Variants in DIRAS3 observed in about 807,000 individuals in gnomAD.
The protein encoded by DIRAS3 is GTP-binding protein Di-Ras3.
For missense variants in DIRAS3, 248 were observed against 300.6 expected, an observed-to-expected ratio of 0.83 and a Z score of 1.29; for synonymous variants, 133 against 131.4, an observed-to-expected ratio of 1.01 and a Z score of -0.08.
rs35600387 is a variant in DIRAS3 at position 68,047,216 on chromosome 1, C to T, written c.82G>A (p.Ala28Thr). ...RLLPALLILR[A>T]FKPHRKIRDY... ...CTGATCTTCCTGTGGGGCTTGAAGG[C>T]GCGGAGGATAAGCAGGGCGGGCAGA... Residue 28 changes from alanine (A) to threonine (T), a missense_variant, in exon 2 of 2, where the codon GCC becomes ACC. Coordinates refer to ENST00000646789, the MANE Select transcript of DIRAS3 (RefSeq NM_004675.5). The T allele has an allele frequency of 1.9e-6, 3 of 1,613,922 alleles. No homozygotes were observed. Among genetic ancestry groups the T allele is most frequent in the Non-Finnish European group, 8.5e-7 (1 of 1,180,046 alleles).
In DIRAS3 at chr1:68,047,369, A is replaced by G. The variant is rs984814623; in HGVS notation, c.-65-7T>C. ...AGCTGGCAGCAGGAGACCCCTAGGAAGAAAGTGAGACGGTGAGAGATGGTA... is the reference window on the plus strand; with the variant it reads ...AGCTGGCAGCAGGAGACCCCTAGGAGGAAAGTGAGACGGTGAGAGATGGTA... On this transcript the variant is annotated splice_polypyrimidine_tract_variant and splice_region_variant and intron_variant, in intron 1 of 1. Coordinates refer to ENST00000646789, the MANE Select transcript of DIRAS3 (RefSeq NM_004675.5). 4 of 1,383,430 alleles carry G rather than the reference A, an allele frequency of 2.9e-6. No individual in the cohort carries two copies. In the South Asian group the frequency reaches 5.3e-5, roughly 18 times the overall value. 85.7% of individuals were successfully genotyped at this position (1,383,430 alleles called of 1,614,324 possible).
intron 1 of DIRAS3, 125 bp from the exon 2 acceptor site, chr1:68,047,487 C>A (rs1446092450): frequency 3.3e-6 from 2 of 602,310 alleles, no homozygotes; most frequent in Non-Finnish European, 5.8e-6. Flanking sequence ...TAAAGGGGTG[C>A]ACACAGCGAG....
intron 1 of DIRAS3, among the ~76,000 whole-genome samples, chr1:68,048,020 A>T (rs1212622033): frequency 3.2e-4 from 4 of 12,582 alleles, no homozygotes; most frequent in Non-Finnish European, 4.2e-4. Context: ...ACAGTGGAGT[A>T]AAAAAAAAAA....
In DIRAS3 at chr1:68,049,968, C is replaced by A. The variant is rs377519906; in HGVS notation, c.-66+580G>T. Among the ~76,000 whole-genome samples the A allele has an allele frequency of 2.8e-4, 41 of 148,964 alleles. 1 individual carries two copies. The highest frequency in any genetic ancestry group is 8.8e-4 in the African/African-American group (34 of 38,690). ...TCATTCTCAGGCAGTGGACCCCCCC[C>A]CCCACTCCCCTCCACACTCCTTCCA... On this transcript the variant is annotated intron_variant, in intron 1 of 1. Transcript: ENST00000646789.
chr1:68,049,447 G>C (rs1189080699), intron 1 of DIRAS3: 2 of 152,778 alleles, frequency 1.3e-5, no homozygotes, highest in African/African-American at 4.8e-5. Context: ...AAAACTAGGA[G>C]ATTTCTGCTA....
chr1:68,048,741 T>G (rs574008300), intron 1 of DIRAS3, among the ~76,000 whole-genome samples: 142 of 129,308 alleles, frequency 1.1e-3, no homozygotes, highest in Middle Eastern at 4.0e-3. Flanking sequence ...GTTTTTTTTT[T>G]TTTGTTTTTT....
intron 1 of DIRAS3, among the ~76,000 whole-genome samples, chr1:68,047,884 G>A (rs934706039): frequency 6.7e-6 from 1 of 150,344 alleles, no homozygotes; most frequent in Middle Eastern, 3.2e-3. Context: ...GTAGAGAGGG[G>A]AGGTACCTGC....
At chr1:68,048,782 C>G (rs1645705018) in intron 1 of DIRAS3, among the ~76,000 whole-genome samples, 1 of 145,710 alleles carries the variant, frequency 6.9e-6, no homozygotes, top group South Asian at 2.2e-4. Flanking sequence ...CTCTGTCCCT[C>G]AGGTTGGAGT....
At position 68,046,308 on chromosome 1, in the gene DIRAS3, T is replaced by G; in HGVS notation, c.*300A>C. The G allele has an allele frequency of 2.2e-5, 5 of 228,850 alleles. No individual in the cohort carries two copies. The highest frequency in any genetic ancestry group is 9.5e-5 in the East Asian group (1 of 10,472). 14.2% of individuals were successfully genotyped at this position (228,850 alleles called of 1,614,324 possible). A position where few individuals can be genotyped will look rare whatever the true frequency, so the allele number is the denominator to read the frequency against. ...GCCTTCCAATTTTTCTTTCTATTCA[T>G]TTTGATGTTTTGTTCTTTTCAAAAC... On this transcript the variant is annotated 3_prime_UTR_variant, in exon 2 of 2. Transcript: ENST00000646789.
chr1:68,046,539 C>T lies in DIRAS3; in HGVS notation c.*69G>A, dbSNP rs563899597. The T allele has an allele frequency of 4.7e-5, 67 of 1,414,552 alleles. No individual in the cohort carries two copies. Among genetic ancestry groups the T allele is most frequent in the Middle Eastern group, 1.9e-4 (1 of 5,356 alleles). 87.6% of individuals were successfully genotyped at this position (1,414,552 alleles called of 1,614,324 possible). ...CACAAAATCAACCATGTACATGTAA[C>T]ATAGTGAAATGAGTCCACGTTTTCT... On this transcript the variant is annotated 3_prime_UTR_variant, in exon 2 of 2. Coordinates refer to ENST00000646789, the MANE Select transcript of DIRAS3 (RefSeq NM_004675.5).
At position 68,046,743 on chromosome 1, in the gene DIRAS3, A is replaced by G; in HGVS notation, c.555T>C (p.Asp185=). The G allele has an allele frequency of 2.5e-6, 4 of 1,614,178 alleles. No individual in the cohort carries two copies. In the African/African-American group the frequency reaches 4.0e-5, roughly 16 times the overall value. The part of the protein sequence containing the change: ...CAFMEISAKT[D]VNVQELFHML... The stretch of plus-strand genomic sequence containing the variant: ...TGTGGAACAGCTCCTGCACATTCAC[A>G]TCGGTCTTGGCTGAAATCTCCATGA... Residue 185 remains aspartate (D), a synonymous_variant, in exon 2 of 2, where the codon GAT becomes GAC. Transcript: ENST00000646789.
Position 68,046,822 on chromosome 1 carries a change from C to A in DIRAS3, c.476G>T (p.Arg159Leu). ...GGCACCATCATTCAGGGCCACCTCCCGGTGGGTGTCATCACTTTTATTGCC... is the reference window on the plus strand; with the variant it reads ...GGCACCATCATTCAGGGCCACCTCCAGGTGGGTGTCATCACTTTTATTGCC... ...LVGNKSDDTH[R>L]EVALNDGATC... is the part of the protein sequence containing the mutation. Residue 159 changes from arginine (R) to leucine (L), a missense_variant, in exon 2 of 2, where the codon CGG (arginine) becomes CTG (leucine). Arg to Leu is a moderately radical substitution (Grantham distance 102). Transcript: ENST00000646789. 6.2e-7 allele frequency: 1 copy of A among 1,614,172 alleles called. No homozygotes were observed. Among genetic ancestry groups the A allele is most frequent in the Non-Finnish European group, 8.5e-7 (1 of 1,180,018 alleles).
rs1449571956 is a variant in DIRAS3, at chr1:68,046,063, A to G, written c.*545T>C. ...TTTTAAATGACATGAGAAACTACTA[A>G]CATCTTTAGTGAGAGTCACTTTCAC... On this transcript the variant is annotated 3_prime_UTR_variant, in exon 2 of 2. Coordinates refer to ENST00000646789, the MANE Select transcript of DIRAS3 (RefSeq NM_004675.5). The G allele has an allele frequency of 6.5e-6, 1 of 152,854 alleles. No individual in the cohort carries two copies. Among genetic ancestry groups the G allele is most frequent in the East Asian group, 1.9e-4 (1 of 5,206 alleles). 9.5% of individuals were successfully genotyped at this position (152,854 alleles called of 1,614,324 possible).
At chr1:68,047,600 G>A (rs1645686379) in intron 1 of DIRAS3, among the ~76,000 whole-genome samples, 1 of 152,088 alleles carries the variant, frequency 6.6e-6, no homozygotes, top group Non-Finnish European at 1.5e-5. Flanking sequence ...TCTAGAAAGT[G>A]CAGCAATACT....
intron 1 of DIRAS3, 32 bp from the exon 2 acceptor site, chr1:68,047,394 A>G: frequency 9.1e-7 from 1 of 1,097,348 alleles, no homozygotes; most frequent in South Asian, 1.5e-5. Flanking sequence ...GAGAGATGGT[A>G]GTGGTAACCT....
chr1:68,047,179 A>G lies in DIRAS3; in HGVS notation c.119T>C (p.Val40Ala). The change falls in exon 2 of 2, where the codon GTC becomes GCC. Residue 40 changes from valine (V) to alanine (A), a missense_variant. Coordinates refer to ENST00000646789, the MANE Select transcript of DIRAS3 (RefSeq NM_004675.5). ...KPHRKIRDYR[V>A]VVVGTAGVGK... ...CACACCAGCGGTGCCGACTACCACGACGCGGTAATCTCTGATCTTCCTGTG... is the reference window on the plus strand; with the variant it reads ...CACACCAGCGGTGCCGACTACCACGGCGCGGTAATCTCTGATCTTCCTGTG... 6.2e-7 allele frequency: 1 copy of G among 1,614,146 alleles called. No homozygotes were observed. The highest frequency in any genetic ancestry group is 8.5e-7 in the Non-Finnish European group (1 of 1,180,038).
chr1:68,046,634 G>A lies in DIRAS3; in HGVS notation c.664C>T (p.Leu222=), dbSNP rs766636978. Residue 222 remains leucine, a synonymous_variant, in exon 2 of 2, where the codon CTG becomes TTG. Coordinates refer to ENST00000646789, the MANE Select transcript of DIRAS3 (RefSeq NM_004675.5). ...KSQMPNTTEK[L]LDKCIIM ...CACATGATTATGCACTTGTCAAGCAGCTTCTCAGTGGTGTTGGGCATCTGG... is the reference window on the plus strand; with the variant it reads ...CACATGATTATGCACTTGTCAAGCAACTTCTCAGTGGTGTTGGGCATCTGG... 2 of 1,614,094 alleles carry A rather than the reference G, an allele frequency of 1.2e-6. No individual in the cohort carries two copies. Among genetic ancestry groups the A allele is most frequent in the Non-Finnish European group, 1.7e-6 (2 of 1,180,012 alleles).
Position 68,046,603 on chromosome 1 carries a change from A to G in DIRAS3, c.*5T>C, listed in dbSNP as rs775381379. ...TAGGAAGAGCTGGCTCTTAAGGCCC[A>G]GGGCTCACATGATTATGCACTTGTC... On this transcript the variant is annotated 3_prime_UTR_variant, in exon 2 of 2. Transcript: ENST00000646789. 58 of 1,612,884 alleles carry G rather than the reference A, an allele frequency of 3.6e-5. No homozygotes were observed. Among genetic ancestry groups the G allele is most frequent in the Non-Finnish European group, 4.8e-5 (57 of 1,179,528 alleles).
In DIRAS3 at chr1:68,047,007, G is replaced by A. The variant is rs1425928437; in HGVS notation, c.291C>T (p.Gly97=). 2 of 1,614,202 alleles carry A rather than the reference G, an allele frequency of 1.2e-6. No homozygotes were observed. Among genetic ancestry groups the A allele is most frequent in the Admixed American group, 1.7e-5 (1 of 60,034 alleles). The change falls in exon 2 of 2, where the codon GGC becomes GGT. Residue 97 remains glycine (G), a synonymous_variant. Transcript: ENST00000646789. ...TAACGTGGCGCTGCAGAGCGCGGTT[G>A]CCGTCGCCACTCTTGCTGTCGGTGA... ...LHITDSKSGD[G]NRALQRHVIA...
Sources: gnomAD v4.1 joint callset for allele counts (sites outside exome capture counted in the v4.1 genomes callset) on GRCh38, gnomAD v4.1.1 for gene constraint, MANE v1.5 for transcripts, NCBI Gene and HGNC (gene_info 2026-07-23, HGNC 2026-07-21) for gene names.